The following OTUD7A variants were observed in gnomAD, a reference collection of about 807,000 sequenced individuals.
The protein encoded by OTUD7A is OTU domain-containing protein 7A.
Under a neutral mutation model 65.7 loss-of-function variants are expected in OTUD7A, and 12 were observed. The ratio of observed to expected loss-of-function variants is 0.18; its 90% CI spans 0.12 to 0.30. The LOEUF (loss-of-function observed/expected upper bound fraction) is 0.30. OTUD7A is among the 10% of genes least tolerant of loss of function. The pLI, the probability that OTUD7A is intolerant of heterozygous loss-of-function variation, is 1.00. For synonymous variants in OTUD7A, 641 were observed against 586.3 expected (o/e 1.09, Z -1.35); for missense variants, 1,148 against 1,304.8 (o/e 0.88, Z 1.85).
chr15:31,640,723 T>C (rs1346671284), intron 3 of OTUD7A, among the ~76,000 whole-genome samples: 2 of 152,198 alleles, frequency 1.3e-5, no homozygotes, highest in East Asian at 1.9e-4. Context: ...AACTACTTTA[T>C]TGTATATATT....
At chr15:31,841,942 T>C (rs1897192245) in intron 1 of OTUD7A, among the ~76,000 whole-genome samples, 1 of 152,218 alleles carries the variant, frequency 6.6e-6, no homozygotes, top group Non-Finnish European at 1.5e-5. Context: ...AGAATGTCTC[T>C]CTTCCCATCT....
chr15:31,797,317 C>A (rs973401451), intron 1 of OTUD7A, among the ~76,000 whole-genome samples: 5 of 152,216 alleles, frequency 3.3e-5, no homozygotes, highest in Non-Finnish European at 7.3e-5. Flanking sequence ...AAACAGAACA[C>A]AAACCCCTCT....
At position 31,836,807 on chromosome 15, in the gene OTUD7A, A is replaced by T. The variant is rs8040919; in HGVS notation, c.-100+33700T>A. Reference sequence around the variant, plus strand: ...CAGATCCAACATATGTGCATGATATAAAAACACTCAGCAAACTAGAAAAGA... The same window carrying T: ...CAGATCCAACATATGTGCATGATATTAAAACACTCAGCAAACTAGAAAAGA... On this transcript the variant is annotated intron_variant, in intron 1 of 12. Coordinates refer to ENST00000307050, the MANE Select transcript of OTUD7A (RefSeq NM_001382637.1). 7.0e-3 allele frequency among the ~76,000 whole-genome samples: 1,068 copies of T among 152,362 alleles called. 15 individuals carry two copies. Among genetic ancestry groups the T allele is most frequent in the African/African-American group, 0.025 (1,028 of 41,590 alleles).
chr15:31,619,948 C>A (rs1890724234), intron 3 of OTUD7A, among the ~76,000 whole-genome samples: 1 of 152,138 alleles, frequency 6.6e-6, no homozygotes, highest in South Asian at 2.1e-4. Flanking sequence ...CCCATCAATA[C>A]CTAATTTATT....
intron 1 of OTUD7A, among the ~76,000 whole-genome samples, chr15:31,809,419 T>C (rs73380551): frequency 0.031 from 4,788 of 152,302 alleles, 277 homozygotes; most frequent in African/African-American, 0.11. Context: ...TATAGACTAC[T>C]GTAAGACAAT....
At chr15:31,690,607 C>T (rs891230910) in intron 1 of OTUD7A, among the ~76,000 whole-genome samples, 3 of 152,214 alleles carry the variant, frequency 2.0e-5, no homozygotes, top group African/African-American at 4.8e-5. Flanking sequence ...ATGGTTAAAT[C>T]GTTTTCCACA....
At chr15:31,688,211 T>A (rs1233840693) in intron 1 of OTUD7A, among the ~76,000 whole-genome samples, 1 of 38,508 alleles carries the variant, frequency 2.6e-5, no homozygotes, top group African/African-American at 6.5e-5. Flanking sequence ...CGAGACTCCA[T>A]CTCAAAAAAA....
intron 1 of OTUD7A, among the ~76,000 whole-genome samples, chr15:31,660,462 A>C (rs1375679537): frequency 1.3e-5 from 2 of 152,256 alleles, no homozygotes; most frequent in African/African-American, 4.8e-5. Context: ...AGTGTCTTTC[A>C]GTGCGGGGGC....
intron 1 of OTUD7A, among the ~76,000 whole-genome samples, chr15:31,717,113 C>T (rs545766796): frequency 6.6e-6 from 1 of 152,298 alleles, no homozygotes; most frequent in Non-Finnish European, 1.5e-5. Context: ...CATCCATTGT[C>T]CCAACAATGT....
intron 1 of OTUD7A, among the ~76,000 whole-genome samples, chr15:31,848,010 A>T (rs1215312791): frequency 6.6e-6 from 1 of 152,208 alleles, no homozygotes; most frequent in African/African-American, 2.4e-5. Flanking sequence ...CACCTTCAAC[A>T]TGTGCAGATT....
intron 1 of OTUD7A, among the ~76,000 whole-genome samples, chr15:31,819,822 A>G (rs1388446569): frequency 6.6e-6 from 1 of 152,004 alleles, no homozygotes; most frequent in Non-Finnish European, 1.5e-5. Context: ...ATCAGTATAT[A>G]TGTTATTTTT....
chr15:31,487,194 C>T lies in OTUD7A; in HGVS notation c.1371G>A (p.Arg457=). ...CTGGTCCCAGCACAGCCAGGCTCAC[C>T]CGTGTCTCGGAGGGGATCCGGATCC... ...VTWIRIPSET[R]APLAQPESPT... Residue 457 remains arginine, a splice_region_variant and synonymous_variant, in exon 12 of 13, where the codon CGG becomes CGA. Transcript: ENST00000307050. The surrounding 1 kb of genome is among the most constrained non-coding windows in gnomAD (Gnocchi z 6.0). The T allele has an allele frequency of 6.2e-7, 1 of 1,613,382 alleles. No individual in the cohort carries two copies. The highest frequency in any genetic ancestry group is 8.5e-7 in the Non-Finnish European group (1 of 1,179,760).
At chr15:31,725,240 C>T (rs543629803) in intron 1 of OTUD7A, among the ~76,000 whole-genome samples, 2 of 152,286 alleles carry the variant, frequency 1.3e-5, no homozygotes, top group East Asian at 3.9e-4. Flanking sequence ...AACTGAACGA[C>T]CAAGGGTGAT....
intron 1 of OTUD7A, among the ~76,000 whole-genome samples, chr15:31,795,315 G>A (rs958937985): frequency 3.3e-5 from 5 of 152,216 alleles, no homozygotes; most frequent in African/African-American, 9.7e-5. Flanking sequence ...CGGGAAGGTT[G>A]AACAGAGTCG....
At chr15:31,585,117 A>G (rs1176785678) in intron 3 of OTUD7A, among the ~76,000 whole-genome samples, 1 of 152,182 alleles carries the variant, frequency 6.6e-6, no homozygotes, top group East Asian at 1.9e-4. Context: ...GCAGGGCACG[A>G]TGTTACTGCT....
At chr15:31,567,065 T>C (rs1346535685) in intron 4 of OTUD7A, among the ~76,000 whole-genome samples, 1 of 152,150 alleles carries the variant, frequency 6.6e-6, no homozygotes, top group Non-Finnish European at 1.5e-5. Flanking sequence ...ACTTTGGAAC[T>C]GGGTAATGGG....
intron 3 of OTUD7A, among the ~76,000 whole-genome samples, chr15:31,594,024 A>G (rs1889832448): frequency 6.6e-6 from 1 of 152,228 alleles, no homozygotes; most frequent in Non-Finnish European, 1.5e-5. Flanking sequence ...CGTTAACTTC[A>G]TTCACCAAAG....
rs930984095 is a variant in OTUD7A, at chr15:31,556,826, T to C, written c.550+2143A>G. 4 of 152,286 alleles carry C rather than the reference T, an allele frequency of 2.6e-5. No homozygotes were observed. The East Asian group carries it at 7.7e-4, about 29-fold the overall frequency. 9.4% of individuals were successfully genotyped at this position (152,286 alleles called of 1,614,324 possible). On this transcript the variant is annotated intron_variant, in intron 5 of 12. Transcript: ENST00000307050. ...ACAAATACTAATTTCCGCTTCTCTA[T>C]GAATAGTGAGCTTTTTCTATTGAAA... is the stretch of plus-strand genomic sequence containing the variant.
chr15:31,577,676 G>A (rs1889244377), intron 3 of OTUD7A, among the ~76,000 whole-genome samples: 1 of 151,898 alleles, frequency 6.6e-6, no homozygotes, highest in African/African-American at 2.4e-5. Context: ...GGCTCAGAAG[G>A]GCGACAGAGC....
Sources: gnomAD v4.1 joint callset for allele counts (sites outside exome capture counted in the v4.1 genomes callset) on GRCh38, gnomAD v4.1.1 for gene constraint, Gnocchi (gnomAD v3.1) non-coding constraint, MANE v1.5 for transcripts, NCBI Gene and HGNC (gene_info 2026-07-23, HGNC 2026-07-21) for gene names.